NRXN1: variants seen among roughly 807,000 people sequenced by gnomAD.
The protein encoded by NRXN1 is neurexin-1.
In NRXN1, 39 loss-of-function variants were observed where a neutral mutation model predicts 150.9. The observed-to-expected ratio is 0.26, with a 90% CI of 0.20 to 0.34. NRXN1 has a LOEUF of 0.34. Ranked by LOEUF, NRXN1 falls within the 10% of genes least tolerant of loss-of-function variation. The probability of loss-of-function intolerance (pLI) is 1.00; values close to 1 mark genes in which losing one functional copy is unlikely to be tolerated. For missense variants in NRXN1, 1,815 were observed against 1,949.9 expected (o/e 0.93, Z 1.30); for synonymous variants, 924 against 757.0 (o/e 1.22, Z -3.62).
At position 50,346,867 on chromosome 2, in the gene NRXN1, C is replaced by G. The variant is rs777054372; in HGVS notation, c.3365-109897G>C. Reference sequence around the variant, plus strand: ...TATCCAAAGCAGGGCCAGGCGCCCCCCTGCGCCGCCGCCGCCGCCGCCGCC... The same window carrying G: ...TATCCAAAGCAGGGCCAGGCGCCCCGCTGCGCCGCCGCCGCCGCCGCCGCC... On this transcript the variant is annotated intron_variant, in intron 17 of 22. Coordinates refer to ENST00000401669, the MANE Select transcript of NRXN1 (RefSeq NM_001330078.2). The surrounding 1 kb of genome is among the most constrained non-coding windows in gnomAD (Gnocchi z 5.0). The G allele has an allele frequency of 4.6e-5, 64 of 1,391,592 alleles. No individual in the cohort carries two copies. The East Asian group carries it at 5.0e-4, about 11-fold the overall frequency. The allele number at this position is 1,391,592 out of a possible 1,614,324, so 86.2% of individuals were successfully genotyped here.
chr2:51,009,160 G>A (rs543687722), intron 2 of NRXN1: 5 of 152,010 alleles, frequency 3.3e-5, no homozygotes, highest in South Asian at 4.1e-4. Context: ...AGGAAGATCT[G>A]AGTTGGGACT....
chr2:50,218,490 C>CT lies in NRXN1; in HGVS notation c.3546+18298dup, dbSNP rs34919769. The stretch of plus-strand genomic sequence containing the variant: ...GTGTTCTCCTTAAAGTTAGCACCTT[C>CT]TTTTTTTTTTTTTTTTTCTTTCTCA... On this transcript the variant is annotated intron_variant, in intron 18 of 22. Transcript: ENST00000401669. Among the ~76,000 whole-genome samples, 235 of 136,738 alleles carry CT rather than the reference C, an allele frequency of 1.7e-3. 1 individual carries two copies. The highest frequency in any genetic ancestry group is 3.2e-3 in the East Asian group (15 of 4,634). 89.7% of individuals were successfully genotyped at this position (136,738 alleles called of 152,430 possible).
At chr2:50,400,572 C>T (rs939623161) in intron 17 of NRXN1, among the ~76,000 whole-genome samples, 4 of 152,052 alleles carry the variant, frequency 2.6e-5, no homozygotes, top group African/African-American at 9.7e-5. Context: ...AGCAAAACCA[C>T]AAGGCACTAG....
intron 17 of NRXN1, among the ~76,000 whole-genome samples, chr2:50,293,364 T>C (rs924434363): frequency 1.7e-4 from 26 of 152,128 alleles, no homozygotes; most frequent in African/African-American, 6.3e-4. Flanking sequence ...CTGAGGGAAG[T>C]AGTCATAGGT....
chr2:50,938,807 A>G (rs961876705), intron 2 of NRXN1, among the ~76,000 whole-genome samples: 1 of 152,186 alleles, frequency 6.6e-6, no homozygotes, highest in African/African-American at 2.4e-5. Context: ...TCCAAATTCT[A>G]TGTTCATTCC....
chr2:50,913,417 C>T (rs1275728481), intron 5 of NRXN1, among the ~76,000 whole-genome samples: 2 of 151,626 alleles, frequency 1.3e-5, no homozygotes, highest in Non-Finnish European at 1.5e-5. Flanking sequence ...CTTTATAATG[C>T]CAAGTCCAGA....
At chr2:50,021,779 C>T (rs1233182949) in intron 21 of NRXN1, among the ~76,000 whole-genome samples, 2 of 152,220 alleles carry the variant, frequency 1.3e-5, no homozygotes, top group Middle Eastern at 3.4e-3. Context: ...ATTCAGAAGT[C>T]CTCTAGTTTC....
chr2:50,828,261 C>A (rs1343427303), intron 5 of NRXN1, among the ~76,000 whole-genome samples: 1 of 147,282 alleles, frequency 6.8e-6, no homozygotes, highest in Admixed American at 6.7e-5. Context: ...GGCGGCTGGC[C>A]GGGCGGGGGG....
At chr2:50,195,806 T>C (rs898950605) in intron 18 of NRXN1, among the ~76,000 whole-genome samples, 1 of 152,088 alleles carries the variant, frequency 6.6e-6, no homozygotes, top group Non-Finnish European at 1.5e-5. Flanking sequence ...TTTAGGACTA[T>C]TAATAATATT....
chr2:50,234,078 AT>A (rs2065200743), intron 18 of NRXN1, among the ~76,000 whole-genome samples: 2 of 148,296 alleles, frequency 1.3e-5, no homozygotes, highest in Non-Finnish European at 3.0e-5. Context: ...TTTTCTTTTA[AT>A]TTCTAATTCC....
intron 21 of NRXN1, among the ~76,000 whole-genome samples, chr2:49,980,419 G>A (rs1281964149): frequency 3.3e-5 from 5 of 152,072 alleles, no homozygotes; most frequent in Non-Finnish European, 4.4e-5. Flanking sequence ...AGATTTCAAT[G>A]AATAGAAATG....
At chr2:50,521,893 A>G (rs1203903499) in intron 12 of NRXN1, among the ~76,000 whole-genome samples, 2 of 152,170 alleles carry the variant, frequency 1.3e-5, no homozygotes, top group Non-Finnish European at 2.9e-5. Context: ...TCTGGTGAGT[A>G]GCTTATGGGG....
At chr2:50,219,793 C>T (rs982296373) in intron 18 of NRXN1, among the ~76,000 whole-genome samples, 1 of 148,432 alleles carries the variant, frequency 6.7e-6, no homozygotes, top group Non-Finnish European at 1.5e-5. Context: ...GAGGCTAAGG[C>T]GAGAAGATTG....
chr2:50,198,127 T>C (rs1280990706), intron 18 of NRXN1, among the ~76,000 whole-genome samples: 3 of 152,156 alleles, frequency 2.0e-5, no homozygotes, highest in East Asian at 3.9e-4. Flanking sequence ...CTGTGGGGCA[T>C]TGCTATCACC....
At chr2:50,910,123 C>T (rs1201008627) in intron 5 of NRXN1, among the ~76,000 whole-genome samples, 1 of 151,856 alleles carries the variant, frequency 6.6e-6, no homozygotes, top group African/African-American at 2.4e-5. Context: ...CATTTTACTT[C>T]CTTTCTCAAC....
chr2:50,211,982 T>C (rs1278983847), intron 18 of NRXN1, among the ~76,000 whole-genome samples: 1 of 151,704 alleles, frequency 6.6e-6, no homozygotes, highest in Non-Finnish European at 1.5e-5. Flanking sequence ...CAAATCAATA[T>C]GAATTCCTAA....
At chr2:50,306,275 T>A (rs1387290272) in intron 17 of NRXN1, among the ~76,000 whole-genome samples, 1 of 152,184 alleles carries the variant, frequency 6.6e-6, no homozygotes, top group Non-Finnish European at 1.5e-5. Flanking sequence ...CACTATGGTA[T>A]TGGTCTTTTA....
intron 5 of NRXN1, among the ~76,000 whole-genome samples, chr2:50,759,526 A>C (rs1023984438): frequency 1.3e-5 from 2 of 151,964 alleles, no homozygotes; most frequent in African/African-American, 4.8e-5. Context: ...TAAAAGACAG[A>C]ATAATCAAGA....
At chr2:49,937,660 C>G (rs1671280902) in intron 22 of NRXN1, among the ~76,000 whole-genome samples, 1 of 152,162 alleles carries the variant, frequency 6.6e-6, no homozygotes, top group African/African-American at 2.4e-5. Flanking sequence ...CTGATTCTAG[C>G]CTGGTACACA....
Sources: allele counts gnomAD v4.1 joint callset (sites outside exome capture counted in the v4.1 genomes callset), GRCh38; gene constraint gnomAD v4.1.1; non-coding constraint Gnocchi (gnomAD v3.1); transcripts MANE v1.5; gene names NCBI Gene and HGNC (gene_info 2026-07-23, HGNC 2026-07-21).